The following ARHGEF3 variants were observed in gnomAD, a reference collection of about 807,000 sequenced individuals.
ARHGEF3 encodes the protein 59.8 kDA protein.
In ARHGEF3, 28 loss-of-function variants were observed where a neutral mutation model predicts 63.2. The ratio of observed to expected loss-of-function variants is 0.44; its 90% CI spans 0.33 to 0.61. The LOEUF (loss-of-function observed/expected upper bound fraction) is 0.61, where lower values mean the gene tolerates loss of function less well. Ranked by LOEUF, ARHGEF3 falls within the 20% of genes least tolerant of loss-of-function variation. ARHGEF3 has a pLI of 0.03. For missense variants in ARHGEF3, 533 were observed against 659.3 expected, an observed-to-expected ratio of 0.81 and a Z score of 2.10; for synonymous variants, 266 against 254.2, an observed-to-expected ratio of 1.05 and a Z score of -0.44.
At position 56,827,064 on chromosome 3, in the gene ARHGEF3, G is replaced by C. The variant is rs539569852; in HGVS notation, c.193-53248C>G. Among the ~76,000 whole-genome samples the C allele has an allele frequency of 2.6e-5, 4 of 152,162 alleles. No individual in the cohort carries two copies. The East Asian group carries it at 7.7e-4, about 29-fold the overall frequency. On this transcript the variant is annotated intron_variant, in intron 4 of 12. Transcript: ENST00000338458. ...GTGTAGGAAAGACCTTGCTAACTAT[G>C]ACTCAAAGTCCGGAAGCCAGAAAAG...
chr3:56,771,535 C>A (rs2036004452), intron 2 of ARHGEF3, among the ~76,000 whole-genome samples: 1 of 152,136 alleles, frequency 6.6e-6, no homozygotes, highest in African/African-American at 2.4e-5. Context: ...GTTAGAAGGG[C>A]AATTGGGAGA....
At chr3:56,889,082 T>C (rs1200487917) in intron 3 of ARHGEF3, among the ~76,000 whole-genome samples, 2 of 152,048 alleles carry the variant, frequency 1.3e-5, no homozygotes, top group Non-Finnish European at 2.9e-5. Flanking sequence ...TGAGAGATCC[T>C]GCTAGCTTGA....
intron 3 of ARHGEF3, among the ~76,000 whole-genome samples, chr3:56,923,351 T>C (rs372047188): frequency 6.9e-4 from 104 of 151,482 alleles, no homozygotes; most frequent in African/African-American, 2.5e-3. Context: ...TAATAATTTA[T>C]TTTTTTTCAA....
intron 1 of ARHGEF3, among the ~76,000 whole-genome samples, chr3:57,043,329 C>T (rs1173460058): frequency 6.7e-6 from 1 of 150,246 alleles, no homozygotes; most frequent in Non-Finnish European, 1.5e-5. Context: ...GTTGATTAGG[C>T]TGGTCTCGAA....
upstream of ARHGEF3, among the ~76,000 whole-genome samples, chr3:56,802,344 T>C (rs1333733817): frequency 1.3e-5 from 2 of 152,124 alleles, no homozygotes; most frequent in African/African-American, 4.8e-5. Context: ...AAGCGAGCGT[T>C]TTAAAAGCCC....
chr3:56,876,799 C>T (rs2040599470), intron 4 of ARHGEF3, among the ~76,000 whole-genome samples: 1 of 152,226 alleles, frequency 6.6e-6, no homozygotes, highest in Non-Finnish European at 1.5e-5. Context: ...CCACCACCAG[C>T]TCCATCGCCA....
intron 4 of ARHGEF3, among the ~76,000 whole-genome samples, chr3:56,858,537 CTTCTGGTGAGGGGAGGA>C: frequency 6.6e-6 from 1 of 152,268 alleles, no homozygotes; most frequent in South Asian, 2.1e-4. Context: ...GTGGGTTTAC[CTTCTGGTGAGGGGAGGA>C]AGACAGTCAA....
chr3:56,895,215 T>C (rs760459232), intron 3 of ARHGEF3, among the ~76,000 whole-genome samples: 5 of 152,080 alleles, frequency 3.3e-5, no homozygotes, highest in Non-Finnish European at 7.4e-5. Flanking sequence ...AAATGGGAAC[T>C]GGCTTTCACG....
chr3:57,002,010 G>A (rs1026694738), intron 2 of ARHGEF3, among the ~76,000 whole-genome samples: 5 of 134,504 alleles, frequency 3.7e-5, no homozygotes, highest in Admixed American at 1.8e-4. Context: ...TGCAAGCTCC[G>A]CTTCCCGGGT....
chr3:56,935,739 C>T (rs190965563), intron 3 of ARHGEF3, among the ~76,000 whole-genome samples: 10 of 152,252 alleles, frequency 6.6e-5, no homozygotes, highest in Middle Eastern at 3.4e-3. Flanking sequence ...AAACTCCACA[C>T]GCGCCACCTT....
rs370787844 is a variant in ARHGEF3, at chr3:57,042,467, T to C, written c.-27-7291A>G. 5.9e-5 allele frequency among the ~76,000 whole-genome samples: 9 copies of C among 151,590 alleles called. No homozygotes were observed. The South Asian group carries it at 1.5e-3, about 25-fold the overall frequency. On this transcript the variant is annotated intron_variant, in intron 1 of 12. Coordinates refer to the ARHGEF3 transcript ENST00000338458. Reference sequence around the variant, plus strand: ...TGGATGAGAGCCAGCACATACTAGTTTGAGAAAGTCAATGGTGCACATCTC... The same window carrying C: ...TGGATGAGAGCCAGCACATACTAGTCTGAGAAAGTCAATGGTGCACATCTC...
intron 2 of ARHGEF3, among the ~76,000 whole-genome samples, chr3:56,767,739 AGT>A (rs1491327150): frequency 3.3e-4 from 50 of 151,836 alleles, no homozygotes; most frequent in African/African-American, 1.2e-3. Context: ...TATATTTTTC[AGT>A]ATTTATTTAT....
chr3:56,741,496 C>CTTTT (rs71072191), intron 7 of ARHGEF3, among the ~76,000 whole-genome samples: 14 of 50,512 alleles, frequency 2.8e-4, no homozygotes, highest in Admixed American at 5.9e-4. Flanking sequence ...TACATTGGTT[C>CTTTT]TTTTTTTTTT....
Position 57,017,502 on chromosome 3 carries a change from G to A in ARHGEF3, c.62+17586C>T, listed in dbSNP as rs56287350. On this transcript the variant is annotated intron_variant, in intron 2 of 12. Coordinates refer to the ARHGEF3 transcript ENST00000338458. ...GAGCGTTTTTCAAAATAAAAAGGCC[G>A]AGCCCACCAAGCCAGCACTTTTTGT... 5.9e-3 allele frequency among the ~76,000 whole-genome samples: 891 copies of A among 152,276 alleles called. 15 individuals carry two copies. Among genetic ancestry groups the A allele is most frequent in the African/African-American group, 0.021 (856 of 41,548 alleles).
intron 4 of ARHGEF3, among the ~76,000 whole-genome samples, chr3:56,835,510 C>T (rs2039079208): frequency 1.3e-5 from 2 of 152,022 alleles, no homozygotes; most frequent in African/African-American, 4.8e-5. Flanking sequence ...GTGTACACCC[C>T]TATTTCACGC....
intron 2 of ARHGEF3, among the ~76,000 whole-genome samples, chr3:56,771,673 G>A (rs1208150750): frequency 1.3e-5 from 2 of 152,208 alleles, no homozygotes; most frequent in African/African-American, 2.4e-5. Context: ...ATAGCAATAT[G>A]AGGGCAAGAA....
At chr3:57,038,216 C>T (rs116428719) in intron 1 of ARHGEF3, among the ~76,000 whole-genome samples, 152 of 152,218 alleles carry the variant, frequency 1.0e-3, no homozygotes, top group African/African-American at 3.4e-3. Flanking sequence ...CAGGAAAGCT[C>T]GGTGGTGGCT....
intron 3 of ARHGEF3, among the ~76,000 whole-genome samples, chr3:56,895,496 TTCTGCCAC>T (rs2041272709): frequency 6.6e-6 from 1 of 151,770 alleles, no homozygotes; most frequent in East Asian, 1.9e-4. Context: ...TGGAGTCTTG[TTCTGCCAC>T]CCAGGTTGGA....
chr3:56,814,883 C>T (rs935468913), intron 4 of ARHGEF3, among the ~76,000 whole-genome samples: 3 of 152,254 alleles, frequency 2.0e-5, no homozygotes, highest in South Asian at 2.1e-4. Context: ...AATCCCAACA[C>T]TTTGGGAGGC....
Sources: gnomAD v4.1 joint callset for allele counts (sites outside exome capture counted in the v4.1 genomes callset) on GRCh38, gnomAD v4.1.1 for gene constraint, MANE v1.5 for transcripts, NCBI Gene and HGNC (gene_info 2026-07-23, HGNC 2026-07-21) for gene names.